The following ARHGAP24 variants were observed in gnomAD, a reference collection of about 807,000 sequenced individuals.
ARHGAP24 encodes the protein Rho GTPase activating protein 24, also known as rho GTPase-activating protein 24.
A neutral mutation model predicts 76.4 loss-of-function variants in ARHGAP24; 50 were observed. That is an observed-to-expected ratio of 0.65 (90% CI 0.52 to 0.83). The LOEUF (loss-of-function observed/expected upper bound fraction) is 0.83, where lower values mean the gene tolerates loss of function less well. ARHGAP24 is among the 40% of genes least tolerant of loss of function. The pLI is 0.00. For synonymous variants in ARHGAP24, 345 were observed against 323.3 expected, an observed-to-expected ratio of 1.07 and a Z score of -0.72; for missense variants, 930 against 914.2, an observed-to-expected ratio of 1.02 and a Z score of -0.22.
At chr4:85,680,950 G>A (rs1229075394) in intron 2 of ARHGAP24, among the ~76,000 whole-genome samples, 1 of 151,874 alleles carries the variant, frequency 6.6e-6, no homozygotes, top group Non-Finnish European at 1.5e-5. Flanking sequence ...ATTTCCTAAA[G>A]TGACAAATTT....
intron 1 of ARHGAP24, among the ~76,000 whole-genome samples, chr4:85,504,458 T>A (rs1209435746): frequency 1.3e-5 from 2 of 152,152 alleles, no homozygotes; most frequent in Non-Finnish European, 2.9e-5. Context: ...GAATTGATCC[T>A]TTTACCGTTA....
At chr4:85,627,759 C>T (rs779246083) in intron 2 of ARHGAP24, among the ~76,000 whole-genome samples, 20 of 152,214 alleles carry the variant, frequency 1.3e-4, no homozygotes, top group Non-Finnish European at 2.8e-4. Flanking sequence ...CCTAATCAAA[C>T]AACTAACTGG....
chr4:85,951,328 A>G (rs924401064), intron 5 of ARHGAP24, among the ~76,000 whole-genome samples: 13 of 152,076 alleles, frequency 8.5e-5, no homozygotes, highest in Non-Finnish European at 1.5e-4. Context: ...TTGTCCAAGC[A>G]GAGTGTTCTG....
chr4:85,865,606 A>T (rs956539195), intron 3 of ARHGAP24, among the ~76,000 whole-genome samples: 47 of 149,206 alleles, frequency 3.2e-4, no homozygotes, highest in African/African-American at 1.1e-3. Context: ...AAAATCATGC[A>T]TTATAATTAG....
At chr4:85,791,428 TA>T (rs1728121064) in intron 3 of ARHGAP24, among the ~76,000 whole-genome samples, 1 of 152,186 alleles carries the variant, frequency 6.6e-6, no homozygotes, top group South Asian at 2.1e-4. Flanking sequence ...TTGTATGTGT[TA>T]AAATACCAAG....
chr4:85,529,010 C>G (rs1280840851), intron 1 of ARHGAP24, among the ~76,000 whole-genome samples: 2 of 151,952 alleles, frequency 1.3e-5, no homozygotes, highest in East Asian at 3.9e-4. Context: ...GAGACAAATA[C>G]GTAATATCAT....
chr4:85,564,718 C>T (rs1239460677), intron 1 of ARHGAP24, among the ~76,000 whole-genome samples: 3 of 151,066 alleles, frequency 2.0e-5, no homozygotes, highest in Non-Finnish European at 4.4e-5. Flanking sequence ...ACCTAGATCC[C>T]TTGCTGGGCA....
At chr4:85,961,140 G>A (rs906170848) in intron 5 of ARHGAP24, among the ~76,000 whole-genome samples, 1 of 151,876 alleles carries the variant, frequency 6.6e-6, no homozygotes, top group Non-Finnish European at 1.5e-5. Context: ...CAAAGCACAC[G>A]ACTGCATTTT....
intron 5 of ARHGAP24, among the ~76,000 whole-genome samples, chr4:85,955,096 G>A (rs1737834502): frequency 6.6e-6 from 1 of 152,188 alleles, no homozygotes; most frequent in Non-Finnish European, 1.5e-5. Flanking sequence ...TGCTGCTGCT[G>A]TTCAGTAGTA....
At chr4:85,717,976 CTTAT>C (rs1391454697) in intron 2 of ARHGAP24, among the ~76,000 whole-genome samples, 11 of 152,094 alleles carry the variant, frequency 7.2e-5, no homozygotes, top group African/African-American at 2.7e-4. Flanking sequence ...CTGACTTGTA[CTTAT>C]TTATTAGTTC....
In ARHGAP24 at chr4:85,923,659, G is replaced by C. The variant is rs1248859431; in HGVS notation, c.280G>C (p.Asp94His). 5.0e-6 allele frequency: 8 copies of C among 1,613,758 alleles called. No individual in the cohort carries two copies. Among genetic ancestry groups the C allele is most frequent in the Non-Finnish European group, 5.9e-6 (7 of 1,179,824 alleles). The change falls in exon 4 of 10, where the codon GAT becomes CAT. Residue 94 changes from aspartate (D) to histidine (H), a missense_variant. Transcript: ENST00000395184. ...CTGTGTTTTCACAGGAGGCGATCGAGATCGGATGACAGCAAATCATGAAAG... is the reference window on the plus strand; with the variant it reads ...CTGTGTTTTCACAGGAGGCGATCGACATCGGATGACAGCAAATCATGAAAG... ...LFEVVPGGDR[D>H]RMTANHESYL...
intron 8 of ARHGAP24, among the ~76,000 whole-genome samples, chr4:85,982,373 T>TTTTTGTTTTGTTTTGTTCTG (rs1553950385): frequency 6.7e-6 from 1 of 150,188 alleles, no homozygotes; most frequent in African/African-American, 2.5e-5. Flanking sequence ...AGATAAGTTG[T>TTTTTGTTTTGTTTTGTTCTG]TTTTGTTTTG....
chr4:85,778,688 CTCTT>C (rs1180513132), intron 3 of ARHGAP24: 6 of 985,020 alleles, frequency 6.1e-6, no homozygotes, highest in Admixed American at 1.2e-4. Context: ...CCCTCTCTGT[CTCTT>C]TCTTCAATAT....
intron 2 of ARHGAP24, among the ~76,000 whole-genome samples, chr4:85,644,568 G>T (rs1202223243): frequency 2.0e-5 from 3 of 151,948 alleles, no homozygotes; most frequent in Admixed American, 2.0e-4. Flanking sequence ...TTAAGATAGA[G>T]ATAACTAAAC....
intron 1 of ARHGAP24, among the ~76,000 whole-genome samples, chr4:85,533,237 G>A (rs1725339717): frequency 6.6e-6 from 1 of 152,068 alleles, no homozygotes; most frequent in African/African-American, 2.4e-5. Context: ...TATAAACTTT[G>A]GGACATCATC....
Position 85,518,740 on chromosome 4 carries a change from CCA to C in ARHGAP24, c.-21+43184_-21+43185del, listed in dbSNP as rs1274770112. 2.0e-5 allele frequency among the ~76,000 whole-genome samples: 3 copies of C among 152,180 alleles called. No homozygotes were observed. In the East Asian group the frequency reaches 5.8e-4, roughly 29 times the overall value. On this transcript the variant is annotated intron_variant, in intron 1 of 9. Coordinates refer to ENST00000395184, the MANE Select transcript of ARHGAP24 (RefSeq NM_001025616.3). Reference sequence around the variant, plus strand: ...TGTAGTATTGCATCATCTATATTTACCACAGTTTCTTTATCCACTCATTGATT... The same window carrying C: ...TGTAGTATTGCATCATCTATATTTACCAGTTTCTTTATCCACTCATTGATT...
intron 3 of ARHGAP24, among the ~76,000 whole-genome samples, chr4:85,744,046 A>G (rs2062915393): frequency 6.6e-6 from 1 of 152,196 alleles, no homozygotes; most frequent in African/African-American, 2.4e-5. Flanking sequence ...TATTAAAAAC[A>G]AAAACAAAAA....
chr4:85,812,060 C>T (rs1210570748), intron 3 of ARHGAP24, among the ~76,000 whole-genome samples: 1 of 152,048 alleles, frequency 6.6e-6, no homozygotes, highest in Non-Finnish European at 1.5e-5. Context: ...CCTGTAGTCC[C>T]AGCTACTCAG....
intron 1 of ARHGAP24, among the ~76,000 whole-genome samples, chr4:85,519,874 A>T (rs1251412462): frequency 3.3e-5 from 5 of 152,092 alleles, no homozygotes; most frequent in African/African-American, 1.2e-4. Context: ...GGCTGTCCCG[A>T]CTGTGGTGTG....
Sources: gnomAD v4.1 joint callset for allele counts (sites outside exome capture counted in the v4.1 genomes callset) on GRCh38, gnomAD v4.1.1 for gene constraint, MANE v1.5 for transcripts, NCBI Gene and HGNC (gene_info 2026-07-23, HGNC 2026-07-21) for gene names.